Variants in CTNNA2 observed in about 807,000 individuals in gnomAD.
The protein encoded by CTNNA2 is catenin alpha-2.
A neutral mutation model predicts 101.0 loss-of-function variants in CTNNA2; 42 were observed. The ratio of observed to expected loss-of-function variants is 0.42; its 90% CI spans 0.32 to 0.54. The LOEUF (loss-of-function observed/expected upper bound fraction) is 0.54. Ranked by LOEUF, CTNNA2 falls within the 20% of genes least tolerant of loss-of-function variation. The probability of loss-of-function intolerance (pLI) is 0.14; values close to 1 mark genes in which losing one functional copy is unlikely to be tolerated. For missense variants in CTNNA2, 871 were observed against 1,223.1 expected (o/e 0.71, Z 4.29); for synonymous variants, 450 against 456.4 (o/e 0.99, Z 0.18).
intron 7 of CTNNA2, among the ~76,000 whole-genome samples, chr2:80,250,821 C>T (rs1009981637): frequency 6.6e-6 from 1 of 152,122 alleles, no homozygotes; most frequent in Non-Finnish European, 1.5e-5. Flanking sequence ...ACCTAAGTTT[C>T]CTAAGCTATA....
chr2:80,619,740 G>A (rs896243036), intron 18 of CTNNA2, among the ~76,000 whole-genome samples: 3 of 151,848 alleles, frequency 2.0e-5, no homozygotes, highest in African/African-American at 7.2e-5. Context: ...GCTTTCTAAT[G>A]CAGTGACTAA....
chr2:80,529,488 TTAAC>T (rs1330984414), intron 9 of CTNNA2, among the ~76,000 whole-genome samples: 2 of 152,232 alleles, frequency 1.3e-5, no homozygotes, highest in Non-Finnish European at 2.9e-5. Context: ...TATTGCTTAT[TTAAC>T]TAAGCACTTA....
At chr2:80,019,155 T>C (rs1694367628) in intron 7 of CTNNA2, among the ~76,000 whole-genome samples, 2 of 152,188 alleles carry the variant, frequency 1.3e-5, no homozygotes, top group African/African-American at 4.8e-5. Context: ...TATGCTATTT[T>C]ACATAAGGGA....
intron 2 of CTNNA2, among the ~76,000 whole-genome samples, chr2:79,678,134 G>A (rs775055074): frequency 6.6e-6 from 1 of 152,134 alleles, no homozygotes; most frequent in Non-Finnish European, 1.5e-5. Context: ...TTCCAGATTC[G>A]ACTACTTCGT....
chr2:80,491,713 C>T (rs1433104416), intron 9 of CTNNA2, among the ~76,000 whole-genome samples: 1 of 152,152 alleles, frequency 6.6e-6, no homozygotes, highest in Non-Finnish European at 1.5e-5. Flanking sequence ...GTTGTACTTG[C>T]ATAATTACTC....
chr2:80,340,596 C>T (rs750782025), intron 7 of CTNNA2, among the ~76,000 whole-genome samples: 25 of 152,296 alleles, frequency 1.6e-4, no homozygotes, highest in East Asian at 1.9e-4. Context: ...TTTAGCCATA[C>T]AATGATGATC....
chr2:80,073,898 A>G (rs901268271), intron 7 of CTNNA2, among the ~76,000 whole-genome samples: 3 of 152,172 alleles, frequency 2.0e-5, no homozygotes, highest in African/African-American at 7.2e-5. Context: ...TTGTTCCATC[A>G]TGAGCTTCTC....
intron 2 of CTNNA2, among the ~76,000 whole-genome samples, chr2:79,272,355 C>A (rs1248992152): frequency 6.6e-6 from 1 of 151,890 alleles, no homozygotes; most frequent in Non-Finnish European, 1.5e-5. Flanking sequence ...GAGAGCAGAA[C>A]AAAACACTCT....
chr2:79,224,953 AT>A (rs529803171), intron 2 of CTNNA2, among the ~76,000 whole-genome samples: 5 of 151,604 alleles, frequency 3.3e-5, no homozygotes, highest in East Asian at 1.9e-4. Flanking sequence ...GTATTTAAGT[AT>A]TTTTTTTCTT....
intron 4 of CTNNA2, among the ~76,000 whole-genome samples, chr2:79,403,104 T>C (rs1678306936): frequency 6.6e-6 from 1 of 151,604 alleles, no homozygotes; most frequent in South Asian, 2.1e-4. Context: ...AGTAAAGATA[T>C]AATAAAAACT....
chr2:80,166,747 G>A (rs1704724029), intron 7 of CTNNA2, among the ~76,000 whole-genome samples: 1 of 152,112 alleles, frequency 6.6e-6, no homozygotes, highest in Non-Finnish European at 1.5e-5. Flanking sequence ...GTGGGAATGA[G>A]CCCTTTACTT....
intron 4 of CTNNA2, among the ~76,000 whole-genome samples, chr2:79,486,830 C>T (rs543160738): frequency 5.3e-5 from 8 of 152,072 alleles, no homozygotes; most frequent in Non-Finnish European, 1.0e-4. Flanking sequence ...ATGATTATAC[C>T]GACAAGCTGA....
At chr2:79,561,389 G>T (rs1338196966) in intron 1 of CTNNA2, among the ~76,000 whole-genome samples, 1 of 151,958 alleles carries the variant, frequency 6.6e-6, no homozygotes, top group Non-Finnish European at 1.5e-5. Flanking sequence ...ATGAGCATTA[G>T]TACACAAGTT....
chr2:79,301,686 C>T (rs529338191), intron 2 of CTNNA2, among the ~76,000 whole-genome samples: 18 of 152,238 alleles, frequency 1.2e-4, no homozygotes, highest in African/African-American at 2.6e-4. Context: ...CCCTTGAGTA[C>T]AGTCAGAATA....
intron 7 of CTNNA2, among the ~76,000 whole-genome samples, chr2:79,964,960 A>AT (rs1361466306): frequency 1.3e-5 from 2 of 152,226 alleles, no homozygotes; most frequent in Admixed American, 6.5e-5. Flanking sequence ...TACAAACCAC[A>AT]TTAAGTGGCA....
At chr2:80,248,822 G>A (rs111706601) in intron 7 of CTNNA2, among the ~76,000 whole-genome samples, 1,850 of 152,308 alleles carry the variant, frequency 0.012, 33 homozygotes, top group African/African-American at 0.04. Flanking sequence ...TAGTAGTGAA[G>A]CAATGAACTT....
chr2:80,191,294 T>A (rs940022337), intron 7 of CTNNA2, among the ~76,000 whole-genome samples: 14 of 152,220 alleles, frequency 9.2e-5, no homozygotes, highest in Non-Finnish European at 2.1e-4. Context: ...ACACTTCCTA[T>A]CAGTATTCCA....
intron 3 of CTNNA2, among the ~76,000 whole-genome samples, chr2:79,795,790 A>G (rs940484279): frequency 6.6e-6 from 1 of 152,246 alleles, no homozygotes; most frequent in African/African-American, 2.4e-5. Context: ...ACTCAACACT[A>G]CTATGAGAAA....
chr2:80,056,222 C>T (rs1029777124), intron 7 of CTNNA2, among the ~76,000 whole-genome samples: 6 of 152,202 alleles, frequency 3.9e-5, no homozygotes, highest in Admixed American at 2.6e-4. Flanking sequence ...ATGAGAGAGG[C>T]ATGCCTTCTC....
Sources: allele counts gnomAD v4.1 joint callset (sites outside exome capture counted in the v4.1 genomes callset), GRCh38; gene constraint gnomAD v4.1.1; transcripts MANE v1.5; gene names NCBI Gene and HGNC (gene_info 2026-07-23, HGNC 2026-07-21).